Variants in HDAC8 observed in about 807,000 individuals in gnomAD.
HDAC8 encodes histone deacetylase-like 1.
Under a neutral mutation model 32.2 loss-of-function variants are expected in HDAC8, and 1 was observed. That is an observed-to-expected ratio of 0.03 (90% CI 0.01 to 0.15). The LOEUF (loss-of-function observed/expected upper bound fraction) is 0.15, where lower values mean the gene tolerates loss of function less well. Among genes scored for constraint, HDAC8 ranks in the 10% least tolerant of loss-of-function variants. The pLI, the probability that HDAC8 is intolerant of heterozygous loss-of-function variation, is 1.00. For synonymous variants in HDAC8, 108 were observed against 113.9 expected, an observed-to-expected ratio of 0.95 and a Z score of 0.33; for missense variants, 117 against 300.0, an observed-to-expected ratio of 0.39 and a Z score of 4.51.
chrX:72,347,234 T>G (rs1555947271), intron 10 of HDAC8, among the ~76,000 whole-genome samples: 2 of 111,982 alleles, frequency 1.8e-5, no homozygotes, highest in Non-Finnish European at 3.8e-5. Flanking sequence ...GTGTTGTTTC[T>G]GTCCACACCC....
intron 9 of HDAC8, among the ~76,000 whole-genome samples, chrX:72,409,181 T>C (rs2046126279): frequency 8.9e-6 from 1 of 112,498 alleles, no homozygotes; most frequent in Non-Finnish European, 1.9e-5. Flanking sequence ...TCAGAAATCT[T>C]GAGAGGCATC....
chrX:72,487,286 T>C (rs1308061447), intron 7 of HDAC8, among the ~76,000 whole-genome samples: 1 of 111,882 alleles, frequency 8.9e-6, no homozygotes, highest in African/African-American at 3.3e-5. Flanking sequence ...CCATGGGATT[T>C]AAAATATTTT....
chrX:72,554,706 G>A (rs909759033), intron 4 of HDAC8, among the ~76,000 whole-genome samples: 2 of 111,149 alleles, frequency 1.8e-5, no homozygotes, highest in Non-Finnish European at 3.8e-5. Flanking sequence ...CCACACCCCC[G>A]TCCCCCACAG....
At chrX:72,402,896 ACTGT>A (rs1300081957) in intron 9 of HDAC8, among the ~76,000 whole-genome samples, 1 of 111,123 alleles carries the variant, frequency 9.0e-6, no homozygotes, top group Non-Finnish European at 1.9e-5. Flanking sequence ...ACCATTATGA[ACTGT>A]CTGTTTCATC....
Position 72,462,342 on chromosome X carries a change from A to G in HDAC8, c.911-244T>C, listed in dbSNP as rs191742051. On this transcript the variant is annotated intron_variant, in intron 8 of 10. Transcript: ENST00000373573. ...GTCTGCAAAGATTAAATAGGCTCCCATCTCCCCAAAAATATGTACCTGAGG... is the reference window on the plus strand; with the variant it reads ...GTCTGCAAAGATTAAATAGGCTCCCGTCTCCCCAAAAATATGTACCTGAGG... The G allele has an allele frequency of 2.1e-4, 60 of 290,522 alleles. 1 individual carries two copies. In the East Asian group the frequency reaches 2.7e-3, roughly 13 times the overall value. The allele number at this position is 290,522 out of a possible 1,213,427, so 23.9% of individuals were successfully genotyped here.
intron 4 of HDAC8, among the ~76,000 whole-genome samples, chrX:72,509,677 C>T (rs2049512026): frequency 9.0e-6 from 1 of 111,394 alleles, no homozygotes; most frequent in South Asian, 3.8e-4. Context: ...TAGTCAAACT[C>T]ATAGAAGCGA....
At chrX:72,525,813 CAAAAAAAAA>C (rs57801277) in intron 4 of HDAC8, among the ~76,000 whole-genome samples, 10 of 21,551 alleles carry the variant, frequency 4.6e-4, no homozygotes, top group South Asian at 0.02. Flanking sequence ...GACTCTGTCT[CAAAAAAAAA>C]AAAAAAAAAA....
chrX:72,458,199 C>G (rs1285805744), intron 9 of HDAC8, among the ~76,000 whole-genome samples: 1 of 112,689 alleles, frequency 8.9e-6, no homozygotes, highest in African/African-American at 3.2e-5. Context: ...TACATACAAG[C>G]TCCATTCTTC....
intron 6 of HDAC8, among the ~76,000 whole-genome samples, chrX:72,489,445 C>G (rs983002453): frequency 9.0e-6 from 1 of 111,070 alleles, no homozygotes; most frequent in Non-Finnish European, 1.9e-5. Context: ...GTTATTGTCA[C>G]CTGAGGTGAC....
At chrX:72,442,283 G>A (rs1271982055) in intron 9 of HDAC8, among the ~76,000 whole-genome samples, 5 of 111,326 alleles carry the variant, frequency 4.5e-5, no homozygotes, top group Non-Finnish European at 9.4e-5. Flanking sequence ...GGCAGCCAGA[G>A]AGAAAGGTCG....
At chrX:72,454,569 T>C (rs1015174409) in intron 9 of HDAC8, among the ~76,000 whole-genome samples, 11 of 112,734 alleles carry the variant, frequency 9.8e-5, no homozygotes, top group Non-Finnish European at 3.7e-5. Context: ...AGAACATTTT[T>C]GAACAGTTTC....
chrX:72,515,162 T>G (rs1556024181), intron 4 of HDAC8, among the ~76,000 whole-genome samples: 1 of 111,058 alleles, frequency 9.0e-6, no homozygotes, highest in African/African-American at 3.3e-5. Context: ...TCATCTTGTG[T>G]ACCTGAAACT....
At chrX:72,398,834 C>T (rs1220316063) in intron 9 of HDAC8, among the ~76,000 whole-genome samples, 18 of 104,300 alleles carry the variant, frequency 1.7e-4, no homozygotes, top group Non-Finnish European at 2.5e-4. Flanking sequence ...CTTTTATAGT[C>T]GGTACTTTAT....
chrX:72,520,989 C>T (rs1353922098), intron 4 of HDAC8, among the ~76,000 whole-genome samples: 1 of 112,342 alleles, frequency 8.9e-6, no homozygotes, highest in Non-Finnish European at 1.9e-5. Flanking sequence ...GCTTGTCCTG[C>T]TACTGACAAT....
chrX:72,450,388 A>T (rs2047539918), intron 9 of HDAC8, among the ~76,000 whole-genome samples: 1 of 112,017 alleles, frequency 8.9e-6, no homozygotes, highest in African/African-American at 3.2e-5. Flanking sequence ...CTATGCACAC[A>T]CAGGCACACA....
In HDAC8 at chrX:72,443,000, T is replaced by C. The variant is rs1315583445; in HGVS notation, c.1005+19004A>G. Among the ~76,000 whole-genome samples, 347 of 107,224 alleles carry C rather than the reference T, an allele frequency of 3.2e-3. 1 individual carries two copies. Among genetic ancestry groups the C allele is most frequent in the African/African-American group, 0.011 (327 of 29,437 alleles). The allele number at this position is 107,224 out of a possible 115,157, so 93.1% of individuals were successfully genotyped here. A position where few individuals can be genotyped will look rare whatever the true frequency, so the allele number is the denominator to read the frequency against. ...AGAAGAGCTAACTATCCTAAATATA[T>C]ATGCACCCAATACAGGAGCACCCAG... On this transcript the variant is annotated intron_variant, in intron 9 of 10. Coordinates refer to ENST00000373573, the MANE Select transcript of HDAC8 (RefSeq NM_018486.3).
At chrX:72,422,001 T>C (rs1469727188) in intron 9 of HDAC8, among the ~76,000 whole-genome samples, 3 of 112,031 alleles carry the variant, frequency 2.7e-5, no homozygotes, top group African/African-American at 9.7e-5. Context: ...GCCTCCATGG[T>C]CTCAGATAAG....
At chrX:72,378,589 C>CT (rs1339356652) in intron 9 of HDAC8, among the ~76,000 whole-genome samples, 2 of 111,833 alleles carry the variant, frequency 1.8e-5, no homozygotes, top group Non-Finnish European at 3.8e-5. Flanking sequence ...TACATAAATA[C>CT]TTTTTTCCCA....
At chrX:72,445,592 C>A (rs1555984376) in intron 9 of HDAC8, among the ~76,000 whole-genome samples, 1 of 111,941 alleles carries the variant, frequency 8.9e-6, no homozygotes, top group Non-Finnish European at 1.9e-5. Context: ...AGAGGAAAAC[C>A]TAGGCATTAC....
Sources: allele counts gnomAD v4.1 joint callset (sites outside exome capture counted in the v4.1 genomes callset), GRCh38; gene constraint gnomAD v4.1.1; transcripts MANE v1.5; gene names NCBI Gene and HGNC (gene_info 2026-07-23, HGNC 2026-07-21).